Variants in MFGE8 observed in about 807,000 individuals in gnomAD.
MFGE8 encodes lactadherin.
Under a neutral mutation model 42.6 loss-of-function variants are expected in MFGE8, and 34 were observed. The ratio of observed to expected loss-of-function variants is 0.80; its 90% confidence interval spans 0.61 to 1.06. The LOEUF is 1.06. MFGE8 is among the 50% of genes least tolerant of loss of function. MFGE8 has a pLI of 0.00. For missense variants in MFGE8, 510 were observed against 516.9 expected, an observed-to-expected ratio of 0.99 and a Z score of 0.13; for synonymous variants, 230 against 214.8, an observed-to-expected ratio of 1.07 and a Z score of -0.62.
At position 88,906,400 on chromosome 15, in the gene MFGE8, T is replaced by C. The variant is rs1898677673; in HGVS notation, c.540+226A>G. The C allele has an allele frequency of 3.6e-6, 2 of 557,446 alleles. No individual in the cohort carries two copies. Among genetic ancestry groups the C allele is most frequent in the Non-Finnish European group, 6.5e-6 (2 of 307,098 alleles). The allele number at this position is 557,446 out of a possible 1,614,324, so 34.5% of individuals were successfully genotyped here. On this transcript the variant is annotated intron_variant, in intron 4 of 7. Transcript: ENST00000268150. The surrounding 1 kb of genome is among the most constrained non-coding windows in gnomAD (Gnocchi z 4.2). Reference sequence around the variant, plus strand: ...TCACCCTCAACAGGTCACTGTGCCATTTTGAATCTCACTAGTCTCATCTCT... The same window carrying C: ...TCACCCTCAACAGGTCACTGTGCCACTTTGAATCTCACTAGTCTCATCTCT...
chr15:88,899,547 G>A lies in MFGE8; in HGVS notation c.1027-15C>T. 6.2e-7 allele frequency: 1 copy of A among 1,614,114 alleles called. No individual in the cohort carries two copies. The highest frequency in any genetic ancestry group is 8.5e-7 in the Non-Finnish European group (1 of 1,180,006). On this transcript the variant is annotated splice_polypyrimidine_tract_variant and intron_variant, in intron 7 of 7. Coordinates refer to ENST00000268150, the MANE Select transcript of MFGE8 (RefSeq NM_005928.4). This position sits in a 1 kb window ranked among gnomAD's most constrained non-coding sequence, Gnocchi z 6.8. The stretch of plus-strand genomic sequence containing the variant: ...CCAGGGAAGATCTAGAGGCAGAGCG[G>A]GTGTCAGGAGGACCCCGAGCCAGCC...
In MFGE8 at chr15:88,913,363, A is replaced by G. The variant is rs1387560235; in HGVS notation, c.-44T>C. ...CTGGAATGGGCACGCTGGGCTGCTC[A>G]GACCCCGCGGGGTTCTGGCGCCTTC... On this transcript the variant is annotated 5_prime_UTR_variant, in exon 1 of 8. Transcript: ENST00000268150. 5 of 1,355,942 alleles carry G rather than the reference A, an allele frequency of 3.7e-6. No homozygotes were observed. Among genetic ancestry groups the G allele is most frequent in the Non-Finnish European group, 4.7e-6 (5 of 1,053,402 alleles). The allele number at this position is 1,355,942 out of a possible 1,614,324, so 84.0% of individuals were successfully genotyped here.
intron 2 of MFGE8, among the ~76,000 whole-genome samples, chr15:88,908,307 G>T (rs1179561596): frequency 6.6e-6 from 1 of 152,198 alleles, no homozygotes; most frequent in Non-Finnish European, 1.5e-5. Context: ...ACTCTGGCAG[G>T]GAGGGGAACG....
In MFGE8 at chr15:88,899,578, C is replaced by T; in HGVS notation, c.1027-46G>A. 1 of 1,614,144 alleles carries T rather than the reference C, an allele frequency of 6.2e-7. No homozygotes were observed. On this transcript the variant is annotated intron_variant, in intron 7 of 7. Coordinates refer to ENST00000268150, the MANE Select transcript of MFGE8 (RefSeq NM_005928.4). This position sits in a 1 kb window ranked among gnomAD's most constrained non-coding sequence, Gnocchi z 6.8. ...AGGAGGACCCCGAGCCAGCCCCCCT[C>T]CCCTCAGAGCCCCAGGCCAGACTCC...
chr15:88,898,948 G>A lies in MFGE8; in HGVS notation c.*447C>T, dbSNP rs368872939. 145 of 258,022 alleles carry A rather than the reference G, an allele frequency of 5.6e-4. No individual in the cohort carries two copies. The highest frequency in any genetic ancestry group is 2.9e-3 in the African/African-American group (132 of 45,564). 16.0% of individuals were successfully genotyped at this position (258,022 alleles called of 1,614,324 possible). A position where few individuals can be genotyped will look rare whatever the true frequency, so the allele number is the denominator to read the frequency against. ...GGCCACATGGTACCCCAGGGCCGACGCAGGGCCGACGGGCAAGAGGCTGTT... is the reference window on the plus strand; with the variant it reads ...GGCCACATGGTACCCCAGGGCCGACACAGGGCCGACGGGCAAGAGGCTGTT... On this transcript the variant is annotated 3_prime_UTR_variant, in exon 8 of 8. Transcript: ENST00000268150.
In MFGE8 at chr15:88,906,921, C is replaced by T; in HGVS notation, c.388-143G>A. ...AGGAGGGGTAGCTGAGCACACTGCC[C>T]GCACAAAGGGCTTTCTTCTTCTGCC... On this transcript the variant is annotated intron_variant, in intron 3 of 7. Transcript: ENST00000268150. This position sits in a 1 kb window ranked among gnomAD's most constrained non-coding sequence, Gnocchi z 4.2. 12 of 1,096,452 alleles carry T rather than the reference C, an allele frequency of 1.1e-5. No homozygotes were observed. Among genetic ancestry groups the T allele is most frequent in the South Asian group, 6.8e-5 (5 of 73,352 alleles). The allele number at this position is 1,096,452 out of a possible 1,614,324, so 67.9% of individuals were successfully genotyped here. A position where few individuals can be genotyped will look rare whatever the true frequency, so the allele number is the denominator to read the frequency against.
At chr15:88,907,055 A>G in intron 3 of MFGE8, 140 bp downstream of exon 3, 1 of 1,139,496 alleles carries the variant, frequency 8.8e-7, no homozygotes, top group East Asian at 2.6e-5. Flanking sequence ...CCATCCACTT[A>G]CAGATACTTC....
intron 6 of MFGE8, among the ~76,000 whole-genome samples, chr15:88,900,428 C>T (rs1294445583): frequency 2.0e-5 from 3 of 152,174 alleles, no homozygotes; most frequent in African/African-American, 7.2e-5. Context: ...AGGCCACAGC[C>T]TGGAGGGGCA....
chr15:88,900,629 C>T, intron 6 of MFGE8: 1 of 815,934 alleles, frequency 1.2e-6, no homozygotes, highest in Non-Finnish European at 1.5e-6. Context: ...ACACAGTTCC[C>T]CAACATCCAG....
At chr15:88,910,336 G>A (rs1486539385) in intron 1 of MFGE8, 2 of 328,768 alleles carry the variant, frequency 6.1e-6, no homozygotes, top group African/African-American at 4.3e-5. Context: ...GCAGTGGAAG[G>A]AAGCATTGTT....
At chr15:88,908,950 C>T (rs1898826891) in intron 2 of MFGE8, among the ~76,000 whole-genome samples, 1 of 152,208 alleles carries the variant, frequency 6.6e-6, no homozygotes, top group South Asian at 2.1e-4. Context: ...CCACATCTCC[C>T]TGAGGAGGGC....
chr15:88,912,710 C>A, intron 1 of MFGE8: 2 of 985,408 alleles, frequency 2.0e-6, no homozygotes, highest in Non-Finnish European at 2.4e-6. Context: ...CCCTCCCGGG[C>A]CCCACTTACG....
chr15:88,907,071 TG>T, intron 3 of MFGE8, 123 bp downstream of exon 3: 1 of 1,259,020 alleles, frequency 7.9e-7, no homozygotes, highest in Non-Finnish European at 1.1e-6. Context: ...ACTTCATCCA[TG>T]GGAACCTGTT....
rs1898711592 is a variant in MFGE8 at position 88,906,970 on chromosome 15, G to GA, written c.388-193_388-192insT. Among the ~76,000 whole-genome samples, 2 of 152,262 alleles carry GA rather than the reference G, an allele frequency of 1.3e-5. No individual in the cohort carries two copies. The highest frequency in any genetic ancestry group is 3.9e-4 in the East Asian group (2 of 5,168). ...CCCAGGCCTCCAGAGGCCTCATCCAGCACCAACAGCTCCTCCACAGCCTGG... is the reference window on the plus strand; with the variant it reads ...CCCAGGCCTCCAGAGGCCTCATCCAGACACCAACAGCTCCTCCACAGCCTGG... On this transcript the variant is annotated intron_variant, in intron 3 of 7. Coordinates refer to ENST00000268150, the MANE Select transcript of MFGE8 (RefSeq NM_005928.4). The surrounding 1 kb of genome is among the most constrained non-coding windows in gnomAD (Gnocchi z 4.2).
Position 88,906,258 on chromosome 15 carries a change from A to C in MFGE8, c.541-357T>G. On this transcript the variant is annotated intron_variant, in intron 4 of 7. Transcript: ENST00000268150. This position sits in a 1 kb window ranked among gnomAD's most constrained non-coding sequence, Gnocchi z 4.2. ...TCTGACAGAGTTCCACAAATGTACA[A>C]TGCCTGTACTGTGAATGGTGCCTGC... The C allele has an allele frequency of 4.4e-6, 2 of 453,208 alleles. No individual in the cohort carries two copies. The highest frequency in any genetic ancestry group is 4.1e-6 in the Non-Finnish European group (1 of 244,914). 28.1% of individuals were successfully genotyped at this position (453,208 alleles called of 1,614,324 possible). A position where few individuals can be genotyped will look rare whatever the true frequency, so the allele number is the denominator to read the frequency against.
At chr15:88,909,664 G>T in intron 2 of MFGE8, 128 bp downstream of exon 2, 1 of 1,368,088 alleles carries the variant, frequency 7.3e-7, no homozygotes, top group Non-Finnish European at 1.0e-6. Context: ...CCCCAGAGGA[G>T]GCCTTGACAC....
chr15:88,901,524 C>A, intron 6 of MFGE8, 27 bp downstream of exon 6: 1 of 1,401,396 alleles, frequency 7.1e-7, no homozygotes, highest in Non-Finnish European at 1.0e-6. Flanking sequence ...CCAACCCCAG[C>A]CCCATATCCC....
chr15:88,900,119 G>A (rs998022895), intron 6 of MFGE8, among the ~76,000 whole-genome samples: 2 of 152,000 alleles, frequency 1.3e-5, no homozygotes, highest in Non-Finnish European at 2.9e-5. Context: ...GTGGCTGCCT[G>A]TAATCCCAGC....
At chr15:88,907,148 C>T (rs200788236) in intron 3 of MFGE8, 47 bp downstream of exon 3, 20 of 1,578,588 alleles carry the variant, frequency 1.3e-5, no homozygotes, top group African/African-American at 9.4e-5. Flanking sequence ...AAACATTCAT[C>T]GAGCCTTCTC....
Sources: gnomAD v4.1 joint callset for allele counts (sites outside exome capture counted in the v4.1 genomes callset) on GRCh38, gnomAD v4.1.1 for gene constraint, Gnocchi (gnomAD v3.1) non-coding constraint, MANE v1.5 for transcripts, NCBI Gene and HGNC (gene_info 2026-07-23, HGNC 2026-07-21) for gene names.